Variants in KAZN observed in about 807,000 individuals in gnomAD.
The protein encoded by KAZN is kazrin, periplakin interacting protein.
A neutral mutation model predicts 87.4 loss-of-function variants in KAZN; 40 were observed. That is an observed-to-expected ratio of 0.46 (90% CI 0.36 to 0.60). KAZN has a LOEUF of 0.60. Among genes scored for constraint, KAZN ranks in the 20% least tolerant of loss-of-function variants. KAZN has a pLI of 0.00. For synonymous variants in KAZN, 466 were observed against 458.3 expected, an observed-to-expected ratio of 1.02 and a Z score of -0.22; for missense variants, 898 against 1,073.9, an observed-to-expected ratio of 0.84 and a Z score of 2.29.
intron 4 of KAZN, among the ~76,000 whole-genome samples, chr1:15,054,691 A>G (rs1297305560): frequency 6.6e-6 from 1 of 152,120 alleles, no homozygotes; most frequent in Non-Finnish European, 1.5e-5. Flanking sequence ...AATAATATGC[A>G]GTAGCACATT....
At position 14,949,239 on chromosome 1, in the gene KAZN, G is replaced by GA. The variant is rs549483217; in HGVS notation, c.227-11438dup. 8.0e-5 allele frequency among the ~76,000 whole-genome samples: 12 copies of GA among 150,738 alleles called. No individual in the cohort carries two copies. Among genetic ancestry groups the GA allele is most frequent in the African/African-American group, 2.4e-4 (10 of 40,874 alleles). ...TAAGCAACTGAATTGGGATTAAAGGGAAAAAAACATTCCTTTATTAAAACA... is the reference window on the plus strand; with the variant it reads ...TAAGCAACTGAATTGGGATTAAAGGGAAAAAAAACATTCCTTTATTAAAACA... On this transcript the variant is annotated intron_variant, in intron 1 of 14. Coordinates refer to ENST00000376030, the MANE Select transcript of KAZN (RefSeq NM_201628.3). The surrounding 1 kb of genome is among the most constrained non-coding windows in gnomAD (Gnocchi z 4.3).
chr1:14,445,191 A>G (rs919185762), intron 2 of KAZN, among the ~76,000 whole-genome samples: 1 of 151,920 alleles, frequency 6.6e-6, no homozygotes, highest in African/African-American at 2.4e-5. Flanking sequence ...ATGCCTGGCT[A>G]ATTTTTGTGT....
In KAZN at chr1:14,346,509, G is replaced by T. The variant is rs143117557; in HGVS notation, c.249+165917G>T. On this transcript the variant is annotated intron_variant, in intron 2 of 16. Coordinates refer to the KAZN transcript ENST00000636203. Reference sequence around the variant, plus strand: ...GAGTAGGAGCACAAAGAAGGAGGTAGATAGAGAGTGGTTTGCAGTCGATAC... The same window carrying T: ...GAGTAGGAGCACAAAGAAGGAGGTATATAGAGAGTGGTTTGCAGTCGATAC... Among the ~76,000 whole-genome samples, 42 of 152,226 alleles carry T rather than the reference G, an allele frequency of 2.8e-4. No individual in the cohort carries two copies. The East Asian group carries it at 6.8e-3, about 24-fold the overall frequency.
At chr1:14,771,655 G>A (rs577881920) in intron 1 of KAZN, among the ~76,000 whole-genome samples, 57 of 152,054 alleles carry the variant, frequency 3.7e-4, no homozygotes, top group African/African-American at 1.2e-3. Context: ...GTGAAACCCC[G>A]TCTCTACTAA....
At chr1:15,027,292 G>A (rs1160878196) in intron 2 of KAZN, among the ~76,000 whole-genome samples, 1 of 151,946 alleles carries the variant, frequency 6.6e-6, no homozygotes, top group Non-Finnish European at 1.5e-5. Flanking sequence ...ATGTTAGCCA[G>A]GATGGTCTGG....
intron 2 of KAZN, among the ~76,000 whole-genome samples, chr1:14,502,666 C>A (rs375964647): frequency 1.3e-5 from 2 of 152,180 alleles, no homozygotes; most frequent in African/African-American, 2.4e-5. Flanking sequence ...CTAAACTAAA[C>A]CTCCAACGTC....
intron 1 of KAZN, among the ~76,000 whole-genome samples, chr1:14,649,918 A>G (rs768794592): frequency 1.3e-5 from 2 of 152,034 alleles, no homozygotes; most frequent in African/African-American, 4.8e-5. Flanking sequence ...AAGGTTAGGG[A>G]GACACCATTT....
At chr1:14,428,651 A>G (rs1353650042) in intron 2 of KAZN, among the ~76,000 whole-genome samples, 2 of 152,222 alleles carry the variant, frequency 1.3e-5, no homozygotes, top group African/African-American at 4.8e-5. Context: ...GGGAAGCCTC[A>G]GGAAATTTAC....
At chr1:14,370,574 T>C (rs1412562134) in intron 2 of KAZN, among the ~76,000 whole-genome samples, 1 of 152,236 alleles carries the variant, frequency 6.6e-6, no homozygotes, top group Non-Finnish European at 1.5e-5. Flanking sequence ...TCCCTCTGAG[T>C]GGTAAACCTG....
At chr1:14,507,690 C>A (rs1670660527) in intron 2 of KAZN, among the ~76,000 whole-genome samples, 2 of 152,148 alleles carry the variant, frequency 1.3e-5, no homozygotes, top group South Asian at 4.1e-4. Flanking sequence ...TAATTGAAAG[C>A]CTTGGGGCAA....
intron 2 of KAZN, among the ~76,000 whole-genome samples, chr1:14,328,395 C>T (rs773936760): frequency 2.0e-5 from 3 of 151,146 alleles, no homozygotes; most frequent in South Asian, 2.1e-4. Context: ...GTGTGTTGTA[C>T]GCATGCATTC....
intron 1 of KAZN, among the ~76,000 whole-genome samples, chr1:14,156,328 G>A (rs1645593171): frequency 6.6e-6 from 1 of 152,184 alleles, no homozygotes; most frequent in Admixed American, 6.5e-5. Flanking sequence ...TGCATGAGAT[G>A]CTCTGTAAAT....
chr1:15,037,428 A>G (rs1041520268), intron 3 of KAZN, among the ~76,000 whole-genome samples: 1 of 152,104 alleles, frequency 6.6e-6, no homozygotes, highest in African/African-American at 2.4e-5. Flanking sequence ...TGCACTCGCT[A>G]TGGGGGTGGC....
chr1:15,005,305 C>T (rs1004875485), intron 2 of KAZN, among the ~76,000 whole-genome samples: 7 of 152,128 alleles, frequency 4.6e-5, no homozygotes, highest in Admixed American at 1.3e-4. Context: ...CATTACAGAC[C>T]ACGTGCCAGT....
At chr1:15,080,440 A>G (rs1212009165) in intron 8 of KAZN, among the ~76,000 whole-genome samples, 1 of 151,994 alleles carries the variant, frequency 6.6e-6, no homozygotes, top group East Asian at 1.9e-4. Flanking sequence ...CTGCCCACCA[A>G]GGGTCCTGCC....
At chr1:14,719,698 G>A (rs1642992488) in intron 1 of KAZN, among the ~76,000 whole-genome samples, 1 of 152,186 alleles carries the variant, frequency 6.6e-6, no homozygotes, top group East Asian at 1.9e-4. Context: ...AATTAGCTGG[G>A]TGTGGTGGCA....
At chr1:14,069,838 G>A (rs6429825) in intron 1 of KAZN, among the ~76,000 whole-genome samples, 114 of 152,262 alleles carry the variant, frequency 7.5e-4, no homozygotes, top group African/African-American at 2.6e-3. Flanking sequence ...GGCCACTTGC[G>A]TATTGCTCTC....
At chr1:14,631,233 G>A (rs1395004907) in intron 1 of KAZN, among the ~76,000 whole-genome samples, 4 of 152,168 alleles carry the variant, frequency 2.6e-5, no homozygotes, top group Non-Finnish European at 5.9e-5. Context: ...AGATTAAAAG[G>A]GCGGAGCTGC....
At chr1:14,363,920 T>C (rs1037937654) in intron 2 of KAZN, among the ~76,000 whole-genome samples, 5 of 152,104 alleles carry the variant, frequency 3.3e-5, no homozygotes, top group African/African-American at 9.7e-5. Flanking sequence ...TATGTGTGTA[T>C]GTATTTTTTG....
Sources: gnomAD v4.1 joint callset for allele counts (sites outside exome capture counted in the v4.1 genomes callset) on GRCh38, gnomAD v4.1.1 for gene constraint, Gnocchi (gnomAD v3.1) non-coding constraint, MANE v1.5 for transcripts, NCBI Gene and HGNC (gene_info 2026-07-23, HGNC 2026-07-21) for gene names.